ZRANB3: variants seen among roughly 807,000 people sequenced by gnomAD.
ZRANB3 encodes the protein DNA annealing helicase and endonuclease ZRANB3.
ZRANB3 carries 125 observed loss-of-function variants against 133.8 expected under a neutral mutation model. That is an observed-to-expected ratio of 0.93 (90% CI 0.81 to 1.08). The LOEUF (loss-of-function observed/expected upper bound fraction) is 1.08. Among genes scored for constraint, ZRANB3 ranks in the 50% least tolerant of loss-of-function variants. The pLI is 0.00. For synonymous variants in ZRANB3, 387 were observed against 432.7 expected (o/e 0.89, Z 1.31); for missense variants, 1,229 against 1,275.5 (o/e 0.96, Z 0.56).
At chr2:135,254,843 C>T (rs13034232) in intron 12 of ZRANB3, among the ~76,000 whole-genome samples, 2 of 151,942 alleles carry the variant, frequency 1.3e-5, no homozygotes, top group African/African-American at 4.8e-5. Context: ...CTCCACCTCC[C>T]GGGTTTACAC....
At chr2:135,400,663 T>C (rs1687695980) in intron 2 of ZRANB3, among the ~76,000 whole-genome samples, 1 of 152,222 alleles carries the variant, frequency 6.6e-6, no homozygotes, top group African/African-American at 2.4e-5. Context: ...AAAAGGTTGT[T>C]CACCAATATA....
At chr2:135,332,112 A>G (rs753515632) in intron 6 of ZRANB3, among the ~76,000 whole-genome samples, 2 of 152,190 alleles carry the variant, frequency 1.3e-5, no homozygotes, top group Non-Finnish European at 2.9e-5. Flanking sequence ...AGACAAGAGT[A>G]GAAATAAAAA....
At chr2:135,209,067 A>G in intron 17 of ZRANB3, 89 bp from the exon 18 acceptor site, 4 of 1,248,386 alleles carry the variant, frequency 3.2e-6, no homozygotes, top group East Asian at 2.4e-5. Flanking sequence ...CAAAAGCAAT[A>G]GAAGAAAAAG....
chr2:135,447,539 C>G (rs1402533627), intron 2 of ZRANB3, among the ~76,000 whole-genome samples: 1 of 152,170 alleles, frequency 6.6e-6, no homozygotes. Flanking sequence ...TGAGGACAGT[C>G]TCCCTCTTTC....
intron 1 of ZRANB3, among the ~76,000 whole-genome samples, chr2:135,525,704 C>T (rs1280032153): frequency 6.6e-6 from 1 of 151,812 alleles, no homozygotes; most frequent in Non-Finnish European, 1.5e-5. Context: ...AAAAATTAGC[C>T]GGTCATGGTG....
intron 8 of ZRANB3, among the ~76,000 whole-genome samples, chr2:135,290,931 AT>A (rs1262237585): frequency 6.6e-6 from 1 of 152,110 alleles, no homozygotes; most frequent in Non-Finnish European, 1.5e-5. Context: ...GGGAACACCA[AT>A]TATTCTGGCA....
At chr2:135,284,723 G>A (rs375683660) in intron 8 of ZRANB3, among the ~76,000 whole-genome samples, 4 of 152,090 alleles carry the variant, frequency 2.6e-5, no homozygotes, top group Admixed American at 1.3e-4. Flanking sequence ...CACCCACCGC[G>A]GCCTCCCAAA....
intron 17 of ZRANB3, among the ~76,000 whole-genome samples, chr2:135,212,850 C>G (rs926897497): frequency 6.6e-6 from 1 of 152,190 alleles, no homozygotes; most frequent in Non-Finnish European, 1.5e-5. Context: ...TTGAGCTCAG[C>G]TGTAACCAGA....
At chr2:135,357,843 A>C (rs1347423847) in intron 3 of ZRANB3, among the ~76,000 whole-genome samples, 1 of 152,178 alleles carries the variant, frequency 6.6e-6, no homozygotes, top group Non-Finnish European at 1.5e-5. Context: ...AGATATCTTG[A>C]GTAAAAAATT....
intron 3 of ZRANB3, among the ~76,000 whole-genome samples, chr2:135,369,390 A>G (rs1045041653): frequency 6.6e-6 from 1 of 152,184 alleles, no homozygotes; most frequent in African/African-American, 2.4e-5. Context: ...TGTTTAAAAA[A>G]TTGAAAGCAG....
At chr2:135,307,712 G>A (rs1284070724) in intron 8 of ZRANB3, among the ~76,000 whole-genome samples, 1 of 152,090 alleles carries the variant, frequency 6.6e-6, no homozygotes, top group Non-Finnish European at 1.5e-5. Context: ...ACAGACTGAG[G>A]AAATGATAGT....
chr2:135,449,573 T>C (rs1156507426), intron 2 of ZRANB3, among the ~76,000 whole-genome samples: 1 of 152,118 alleles, frequency 6.6e-6, no homozygotes. Context: ...TGAGTCGAGA[T>C]TGCTCCACTA....
chr2:135,458,074 T>C (rs1485224973), intron 2 of ZRANB3, among the ~76,000 whole-genome samples: 1 of 152,162 alleles, frequency 6.6e-6, no homozygotes, highest in Non-Finnish European at 1.5e-5. Flanking sequence ...TTTTTGTGAA[T>C]AGTGTAAAGT....
chr2:135,347,518 G>A (rs541082960), intron 5 of ZRANB3, among the ~76,000 whole-genome samples: 4 of 152,090 alleles, frequency 2.6e-5, no homozygotes, highest in South Asian at 2.1e-4. Flanking sequence ...TCCTGACCTC[G>A]TGATCTGCCC....
intron 2 of ZRANB3, among the ~76,000 whole-genome samples, chr2:135,443,203 G>A (rs1689861310): frequency 6.6e-6 from 1 of 151,894 alleles, no homozygotes; most frequent in Admixed American, 6.6e-5. Context: ...CATAAAAAAG[G>A]ACGAGTTCAT....
chr2:135,350,202 T>C lies in ZRANB3; in HGVS notation c.373A>G (p.Ser125Gly), dbSNP rs1333049737. ...CCATAACCCAGAACTGTCACTTTACTGGTCGACATTCTCCTAGAAAAGAAA... is the reference window on the plus strand; with the variant it reads ...CCATAACCCAGAACTGTCACTTTACCGGTCGACATTCTCCTAGAAAAGAAA... ...NKTDVRRMST[S>G]KVTVLGYGLL... The change falls in exon 5 of 21, where the codon AGT (serine) becomes GGT (glycine). Residue 125 changes from serine to glycine, a missense_variant. Coordinates refer to ENST00000264159, the MANE Select transcript of ZRANB3 (RefSeq NM_032143.4). 2 of 1,589,864 alleles carry C rather than the reference T, an allele frequency of 1.3e-6. No homozygotes were observed. The highest frequency in any genetic ancestry group is 1.7e-6 in the Non-Finnish European group (2 of 1,166,688).
intron 3 of ZRANB3, among the ~76,000 whole-genome samples, chr2:135,370,169 C>CT (rs909273820): frequency 6.2e-4 from 88 of 142,378 alleles, no homozygotes; most frequent in South Asian, 1.1e-3. Flanking sequence ...GTTCTATAAT[C>CT]TTTTTTTTTT....
chr2:135,493,188 A>T (rs1692494364), intron 2 of ZRANB3, among the ~76,000 whole-genome samples: 1 of 126,962 alleles, frequency 7.9e-6, no homozygotes, highest in African/African-American at 2.9e-5. Context: ...GAAAAAGGAA[A>T]ACTATAAAGC....
chr2:135,414,697 C>T (rs1460158732), intron 2 of ZRANB3, among the ~76,000 whole-genome samples: 1 of 151,972 alleles, frequency 6.6e-6, no homozygotes. Context: ...TGACCACATA[C>T]TTGGAAGTAA....
Sources: allele counts gnomAD v4.1 joint callset (sites outside exome capture counted in the v4.1 genomes callset), GRCh38; gene constraint gnomAD v4.1.1; transcripts MANE v1.5; gene names NCBI Gene and HGNC (gene_info 2026-07-23, HGNC 2026-07-21).